Variants in MACROD2 observed in about 807,000 individuals in gnomAD.
MACROD2 encodes ADP-ribose glycohydrolase MACROD2.
MACROD2 carries 36 observed loss-of-function variants against 70.4 expected under a neutral mutation model. The observed-to-expected ratio is 0.51, with a 90% CI of 0.39 to 0.68. MACROD2 has a LOEUF of 0.68. Ranked by LOEUF, MACROD2 falls within the 30% of genes least tolerant of loss-of-function variation. The probability of loss-of-function intolerance (pLI) is 0.00; values close to 1 mark genes in which losing one functional copy is unlikely to be tolerated. For synonymous variants in MACROD2, 172 were observed against 178.8 expected, an observed-to-expected ratio of 0.96 and a Z score of 0.30; for missense variants, 496 against 538.4, an observed-to-expected ratio of 0.92 and a Z score of 0.78.
intron 15 of MACROD2, among the ~76,000 whole-genome samples, chr20:15,997,673 G>A (rs895105174): frequency 6.6e-6 from 1 of 152,002 alleles, no homozygotes; most frequent in Non-Finnish European, 1.5e-5. Context: ...GATTTGAATG[G>A]CTTTTATTTC....
At chr20:14,409,158 T>TC (rs2083722094) in intron 3 of MACROD2, among the ~76,000 whole-genome samples, 2 of 151,000 alleles carry the variant, frequency 1.3e-5, no homozygotes, top group African/African-American at 2.4e-5. Context: ...TTTTTTTTTT[T>TC]TTTTTTTCCA....
At chr20:15,383,632 C>T (rs1329072288) in intron 6 of MACROD2, among the ~76,000 whole-genome samples, 1 of 152,138 alleles carries the variant, frequency 6.6e-6, no homozygotes, top group Non-Finnish European at 1.5e-5. Context: ...TTTCCTTCTC[C>T]CTATCATTTT....
chr20:15,151,302 T>C (rs1257371568), intron 5 of MACROD2, among the ~76,000 whole-genome samples: 1 of 152,038 alleles, frequency 6.6e-6, no homozygotes, highest in East Asian at 1.9e-4. Context: ...AGCAAGCTCC[T>C]GGGGGAGGAG....
chr20:14,317,678 TTTGGTC>T (rs1207945471), intron 3 of MACROD2, among the ~76,000 whole-genome samples: 1 of 152,058 alleles, frequency 6.6e-6, no homozygotes, highest in African/African-American at 2.4e-5. Flanking sequence ...TTCATGTCTT[TTTGGTC>T]TACTGCTGTA....
At chr20:15,427,879 C>T (rs2046319088) in intron 6 of MACROD2, among the ~76,000 whole-genome samples, 1 of 152,154 alleles carries the variant, frequency 6.6e-6, no homozygotes, top group Non-Finnish European at 1.5e-5. Flanking sequence ...CCCCTGGGAA[C>T]ATTTGACAAT....
At chr20:14,336,332 CA>C (rs1296875886) in intron 3 of MACROD2, among the ~76,000 whole-genome samples, 2 of 151,718 alleles carry the variant, frequency 1.3e-5, no homozygotes, top group African/African-American at 4.8e-5. Flanking sequence ...AAAAAAAAAT[CA>C]ATTTTTTTTC....
intron 3 of MACROD2, among the ~76,000 whole-genome samples, chr20:14,274,304 A>G (rs1482364904): frequency 6.6e-6 from 1 of 152,180 alleles, no homozygotes; most frequent in Non-Finnish European, 1.5e-5. Context: ...ACCATGATCA[A>G]GTGGGCTTCA....
At chr20:14,912,553 A>G (rs1267640503) in intron 5 of MACROD2, among the ~76,000 whole-genome samples, 1 of 152,172 alleles carries the variant, frequency 6.6e-6, no homozygotes, top group East Asian at 1.9e-4. Flanking sequence ...CCACAGTAAG[A>G]GACCAATAAA....
intron 3 of MACROD2, among the ~76,000 whole-genome samples, chr20:14,163,878 A>C (rs1312312329): frequency 6.6e-6 from 1 of 151,532 alleles, no homozygotes; most frequent in East Asian, 1.9e-4. Context: ...ATTGTTTTTC[A>C]GAGTTCTTCT....
intron 3 of MACROD2, among the ~76,000 whole-genome samples, chr20:14,469,473 C>T (rs142346184): frequency 0.02 from 3,081 of 152,042 alleles, 106 homozygotes; most frequent in African/African-American, 0.07. Flanking sequence ...GAATGTTGGC[C>T]TGTCTAGCTA....
chr20:14,231,954 G>A (rs1042410584), intron 3 of MACROD2, among the ~76,000 whole-genome samples: 4 of 152,158 alleles, frequency 2.6e-5, no homozygotes, highest in African/African-American at 9.7e-5. Context: ...AGAAGTGTCT[G>A]TTCATGTCCT....
At chr20:14,499,616 C>A (rs965792264) in intron 4 of MACROD2, among the ~76,000 whole-genome samples, 7 of 152,014 alleles carry the variant, frequency 4.6e-5, no homozygotes, top group Non-Finnish European at 1.0e-4. Context: ...GGCCAGGAGG[C>A]CCAGATATGA....
At chr20:15,868,603 CTT>C (rs5840688) in intron 9 of MACROD2, among the ~76,000 whole-genome samples, 1 of 135,564 alleles carries the variant, frequency 7.4e-6, no homozygotes, top group Admixed American at 7.4e-5. Context: ...TAATACTTTT[CTT>C]TTTTTTTTTT....
At position 15,431,425 on chromosome 20, in the gene MACROD2, A is replaced by G; in HGVS notation, c.561A>G (p.Thr187=). The change falls in exon 7 of 18, where the codon ACA becomes ACG. Residue 187 remains threonine, a synonymous_variant. Transcript: ENST00000684519. ...IRSVAFPCIS[T]GIYGFPNEPA... ...CACAGGCATTTCCCTGCATCTCAAC[A>G]GGCATTTATGGTAAGTGATACAGCT... 6.2e-7 allele frequency: 1 copy of G among 1,611,514 alleles called. No individual in the cohort carries two copies. Among genetic ancestry groups the G allele is most frequent in the Middle Eastern group, 1.7e-4 (1 of 6,044 alleles).
chr20:14,208,084 C>G (rs1423701252), intron 3 of MACROD2, among the ~76,000 whole-genome samples: 2 of 152,166 alleles, frequency 1.3e-5, no homozygotes, highest in African/African-American at 2.4e-5. Context: ...GAATTCTGAA[C>G]ACTTCTTGAG....
At chr20:15,996,030 G>A (rs1363597377) in intron 15 of MACROD2, among the ~76,000 whole-genome samples, 3 of 152,108 alleles carry the variant, frequency 2.0e-5, no homozygotes, top group Non-Finnish European at 4.4e-5. Context: ...CCAGAAGTGG[G>A]ATGGCTGGAT....
intron 4 of MACROD2, among the ~76,000 whole-genome samples, chr20:14,532,257 C>T (rs1178121062): frequency 3.5e-5 from 5 of 142,338 alleles, no homozygotes; most frequent in African/African-American, 1.3e-4. Flanking sequence ...CTTGCTCTGT[C>T]ACCCAGGCTG....
intron 3 of MACROD2, among the ~76,000 whole-genome samples, chr20:14,152,307 TAACAC>T (rs2055035390): frequency 6.6e-6 from 1 of 152,230 alleles, no homozygotes; most frequent in African/African-American, 2.4e-5. Context: ...ATCATTCTGT[TAACAC>T]AATCTAGTCT....
At chr20:15,369,854 T>C (rs2045467909) in intron 6 of MACROD2, among the ~76,000 whole-genome samples, 1 of 152,126 alleles carries the variant, frequency 6.6e-6, no homozygotes, top group African/African-American at 2.4e-5. Flanking sequence ...TCTACAGGAA[T>C]GAAAATAGAA....
Sources: gnomAD v4.1 joint callset for allele counts (sites outside exome capture counted in the v4.1 genomes callset) on GRCh38, gnomAD v4.1.1 for gene constraint, MANE v1.5 for transcripts, NCBI Gene and HGNC (gene_info 2026-07-23, HGNC 2026-07-21) for gene names.